Variants in PKP3 observed in about 807,000 individuals in gnomAD.
The protein encoded by PKP3 is plakophilin 3.
PKP3 carries 66 observed loss-of-function variants against 76.5 expected under a neutral mutation model. That is an observed-to-expected ratio of 0.86 (90% CI 0.71 to 1.06). The LOEUF (loss-of-function observed/expected upper bound fraction) is 1.06. Ranked by LOEUF, PKP3 falls within the 50% of genes least tolerant of loss-of-function variation. The pLI is 0.00. For missense variants in PKP3, 1,338 were observed against 1,141.0 expected, an observed-to-expected ratio of 1.17 and a Z score of -2.49; for synonymous variants, 638 against 516.5, an observed-to-expected ratio of 1.24 and a Z score of -3.19.
At position 403,967 on chromosome 11, in the gene PKP3, T is replaced by C. The variant is rs1180422634; in HGVS notation, c.2102T>C (p.Ile701Thr). The C allele has an allele frequency of 6.2e-7, 1 of 1,605,292 alleles. No homozygotes were observed. Among genetic ancestry groups the C allele is most frequent in the Non-Finnish European group, 8.5e-7 (1 of 1,175,030 alleles). ...EMSTKVVSHLIEKLPGSVGEK... is the reference protein window; with the variant it reads ...EMSTKVVSHLTEKLPGSVGEK... Reference sequence around the variant, plus strand: ...GCCACGAAGGTGGTGAGCCACCTGATCGAGAAGCTGCCGGGCAGCGTGGGT... The same window carrying C: ...GCCACGAAGGTGGTGAGCCACCTGACCGAGAAGCTGCCGGGCAGCGTGGGT... Residue 701 changes from isoleucine (I) to threonine (T), a missense_variant, in exon 11 of 13, where the codon ATC becomes ACC. Physicochemically the swap from Ile to Thr is moderately conservative, Grantham distance 89 (BLOSUM62 -1). Transcript: ENST00000331563.
chr11:403,625 G>C lies in PKP3; in HGVS notation c.1931G>C (p.Gly644Ala), dbSNP rs779775027. 6.9e-6 allele frequency: 11 copies of C among 1,605,290 alleles called. No homozygotes were observed. Among genetic ancestry groups the C allele is most frequent in the Non-Finnish European group, 1.7e-6 (2 of 1,179,724 alleles). Reference protein sequence around the residue: ...NITAGDRRWAGVLSRLALEQE... With the variant: ...NITAGDRRWAAVLSRLALEQE... ...CACCCTCCCTCCCCACAGTGGGCGGGGGTGCTGAGCCGCCTGGCCCTGGAG... is the reference window on the plus strand; with the variant it reads ...CACCCTCCCTCCCCACAGTGGGCGGCGGTGCTGAGCCGCCTGGCCCTGGAG... Residue 644 changes from glycine (G) to alanine (A), a missense_variant, in exon 10 of 13, where the codon GGG becomes GCG. Transcript: ENST00000331563.
intron 6 of PKP3, 37 bp from the exon 7 acceptor site, chr11:400,297 G>C (rs1420415940): frequency 4.7e-6 from 7 of 1,500,730 alleles, no homozygotes; most frequent in Non-Finnish European, 5.4e-6. Flanking sequence ...CCGGGATGCG[G>C]GGTCCCTGGG....
Position 404,659 on chromosome 11 carries a change from A to C in PKP3, c.*90A>C, listed in dbSNP as rs1341340983. ...TGCTTGGCAGCCCAGCCTGGAGGAG[A>C]AGGCTAATGACGGAGGGGCCCCTCG... On this transcript the variant is annotated 3_prime_UTR_variant, in exon 13 of 13. Coordinates refer to ENST00000331563, the MANE Select transcript of PKP3 (RefSeq NM_007183.4). The surrounding 1 kb of genome is among the most constrained non-coding windows in gnomAD (Gnocchi z 4.2). The C allele has an allele frequency of 6.7e-6, 9 of 1,336,750 alleles. No individual in the cohort carries two copies. Among genetic ancestry groups the C allele is most frequent in the Non-Finnish European group, 9.6e-6 (9 of 935,716 alleles). The allele number at this position is 1,336,750 out of a possible 1,614,324, so 82.8% of individuals were successfully genotyped here. A position where few individuals can be genotyped will look rare whatever the true frequency, so the allele number is the denominator to read the frequency against.
At chr11:399,921 G>A (rs777071789) in intron 5 of PKP3, 46 bp from the exon 6 acceptor site, 48 of 1,495,512 alleles carry the variant, frequency 3.2e-5, no homozygotes, top group Non-Finnish European at 4.2e-5. Flanking sequence ...GAAACGCGGA[G>A]GGGGTTGGAG....
chr11:399,103 GACA>G lies in PKP3; in HGVS notation c.1185_1187del (p.Asn395del). 1 of 1,612,044 alleles carries G rather than the reference GACA, an allele frequency of 6.2e-7. No homozygotes were observed. Among genetic ancestry groups the G allele is most frequent in the Non-Finnish European group, 8.5e-7 (1 of 1,179,486 alleles). On this transcript the variant is annotated inframe_deletion, in exon 5 of 13. Transcript: ENST00000331563. ...GCGCAACCTCATCTACGACAACGCT[GACA>G]ACAAGCTGGCCCTGGTGGAGGAGAA... is the stretch of plus-strand genomic sequence containing the variant.
In PKP3 at chr11:403,971, G is replaced by C. The variant is rs769373540; in HGVS notation, c.2106G>C (p.Glu702Asp). 1 of 1,606,398 alleles carries C rather than the reference G, an allele frequency of 6.2e-7. No homozygotes were observed. The highest frequency in any genetic ancestry group is 1.7e-5 in the Admixed American group (1 of 59,582). ...MSTKVVSHLI[E>D]KLPGSVGEKS... is the part of the protein sequence containing the mutation. ...CGAAGGTGGTGAGCCACCTGATCGA[G>C]AAGCTGCCGGGCAGCGTGGGTGAGA... The change falls in exon 11 of 13, where the codon GAG (glutamate) becomes GAC (aspartate). Residue 702 changes from glutamate to aspartate, a missense_variant. By Grantham distance (45) the Glu-to-Asp change is conservative (BLOSUM62 2). Transcript: ENST00000331563.
At chr11:397,487 G>C (rs775877170) in intron 3 of PKP3, 42 bp downstream of exon 3, 4 of 1,611,542 alleles carry the variant, frequency 2.5e-6, no homozygotes, top group African/African-American at 1.3e-5. Context: ...CTTCTACCAC[G>C]GGCCCAGCCT....
At position 397,060 on chromosome 11, in the gene PKP3, G is replaced by C; in HGVS notation, c.559G>C (p.Gly187Arg). Reference protein sequence around the residue: ...DTLSLRSLRLGPGGLDDRYSL... With the variant: ...DTLSLRSLRLRPGGLDDRYSL... ...ACTCTCCCTGCGCTCGCTGCGGCTG[G>C]GGCCCGGGGGCCTGGACGACCGCTA... The change falls in exon 3 of 13, where the codon GGG becomes CGG. Residue 187 changes from glycine (G) to arginine (R), a missense_variant. Gly to Arg is a moderately radical substitution (Grantham distance 125). Coordinates refer to ENST00000331563, the MANE Select transcript of PKP3 (RefSeq NM_007183.4). The C allele has an allele frequency of 6.3e-7, 1 of 1,599,008 alleles. No homozygotes were observed. Among genetic ancestry groups the C allele is most frequent in the Non-Finnish European group, 8.5e-7 (1 of 1,179,586 alleles).
Position 404,140 on chromosome 11 carries a change from G to C in PKP3, c.2270+5G>C, listed in dbSNP as rs746750503. ...CATCAAGAAGAAGCGGGACAGGTAG[G>C]GGCCGACCCAGCCGTGCAGCAGCCT... On this transcript the variant is annotated splice_donor_5th_base_variant and intron_variant, in intron 11 of 12. Transcript: ENST00000331563. This position sits in a 1 kb window ranked among gnomAD's most constrained non-coding sequence, Gnocchi z 4.2. 6.2e-6 allele frequency: 10 copies of C among 1,608,994 alleles called. No individual in the cohort carries two copies. In the East Asian group the frequency reaches 2.0e-4, roughly 32 times the overall value.
In PKP3 at chr11:399,969, A is replaced by T; in HGVS notation, c.1276A>T (p.Ile426Phe). 6.3e-7 allele frequency: 1 copy of T among 1,598,298 alleles called. No homozygotes were observed. The highest frequency in any genetic ancestry group is 1.3e-5 in the African/African-American group (1 of 74,734). ...TAGCAGCCTCCCCCGTCCTCCAGGG[A>T]TCCTGTGGAACCTTTCATCCAGCGA... Reference protein sequence around the residue: ...DDELRKNVTGILWNLSSSDHL... With the variant: ...DDELRKNVTGFLWNLSSSDHL... Residue 426 changes from isoleucine to phenylalanine, a missense_variant and splice_region_variant, in exon 6 of 13, where the codon ATC (isoleucine) becomes TTC (phenylalanine). Ile to Phe is a conservative substitution (Grantham distance 21, BLOSUM62 0). Transcript: ENST00000331563.
At position 396,914 on chromosome 11, in the gene PKP3, A is replaced by T. The variant is rs759892398; in HGVS notation, c.413A>T (p.Asn138Ile). The change falls in exon 3 of 13, where the codon AAC (asparagine) becomes ATC (isoleucine). Residue 138 changes from asparagine (N) to isoleucine (I), a missense_variant. Coordinates refer to ENST00000331563, the MANE Select transcript of PKP3 (RefSeq NM_007183.4). The stretch of plus-strand genomic sequence containing the variant: ...AGTCGGAGGCTGAGTTCAGCCCACA[A>T]CGGGGGCAGCGCCTTTGGGGCCGCT... ...SCSRRLSSAH[N>I]GGSAFGAAGY... 3 of 1,597,298 alleles carry T rather than the reference A, an allele frequency of 1.9e-6. No homozygotes were observed. The highest frequency in any genetic ancestry group is 4.5e-5 in the East Asian group (2 of 44,518).
At position 396,800 on chromosome 11, in the gene PKP3, C is replaced by G. The variant is rs780911555; in HGVS notation, c.313-14C>G. The G allele has an allele frequency of 2.5e-6, 4 of 1,572,354 alleles. No individual in the cohort carries two copies. In the South Asian group the frequency reaches 4.7e-5, roughly 18 times the overall value. ...AGCCCAGGCACGCCCTCACCGCCCC[C>G]TCTCGACCCACAGGGCTTCCGGCCC... On this transcript the variant is annotated splice_polypyrimidine_tract_variant and intron_variant, in intron 2 of 12. Transcript: ENST00000331563.
In PKP3 at chr11:394,467, C is replaced by A. The variant is rs1847018241; in HGVS notation, c.175C>A (p.Gln59Lys). The change falls in exon 1 of 13, where the codon CAG becomes AAG. Residue 59 changes from glutamine (Q) to lysine (K), a missense_variant. Transcript: ENST00000331563. ...CCGCGCCCGCCTCTTGCAGCTGGGA[C>A]AGCAGCCGCGGCACAACGGGGCCGC... ...QVRARLLQLG[Q>K]QPRHNGAAEP... 1.4e-5 allele frequency: 20 copies of A among 1,440,058 alleles called. No individual in the cohort carries two copies. Among genetic ancestry groups the A allele is most frequent in the Non-Finnish European group, 1.7e-5 (19 of 1,103,428 alleles). 89.2% of individuals were successfully genotyped at this position (1,440,058 alleles called of 1,614,324 possible). A position where few individuals can be genotyped will look rare whatever the true frequency, so the allele number is the denominator to read the frequency against.
Position 404,097 on chromosome 11 carries a change from A to G in PKP3, c.2232A>G (p.Gly744=), listed in dbSNP as rs148466648. The G allele has an allele frequency of 1.1e-4, 184 of 1,611,526 alleles. No homozygotes were observed. In the African/African-American group the frequency reaches 2.2e-3, roughly 19 times the overall value. ...CCCGAGACCTGCTGTATTTTGACGG[A>G]CTCCGAAAGCTCATCTTCATCAAGA... ...IAARDLLYFD[G]LRKLIFIKKK... Residue 744 remains glycine, a synonymous_variant, in exon 11 of 13, where the codon GGA becomes GGG. Transcript: ENST00000331563. The surrounding 1 kb of genome is among the most constrained non-coding windows in gnomAD (Gnocchi z 4.2).
At position 404,470 on chromosome 11, in the gene PKP3, G is replaced by A; in HGVS notation, c.2359-64G>A. 6.4e-7 allele frequency: 1 copy of A among 1,563,754 alleles called. No homozygotes were observed. The highest frequency in any genetic ancestry group is 8.8e-7 in the Non-Finnish European group (1 of 1,135,220). On this transcript the variant is annotated intron_variant, in intron 12 of 12. Transcript: ENST00000331563. The surrounding 1 kb of genome is among the most constrained non-coding windows in gnomAD (Gnocchi z 4.2). Reference sequence around the variant, plus strand: ...GCCACACCCAGCACACTGCAGGAGGGACAGCGGGCAGAGGGCCACATGGGC... The same window carrying A: ...GCCACACCCAGCACACTGCAGGAGGAACAGCGGGCAGAGGGCCACATGGGC...
chr11:399,623 C>T (rs952241313), intron 5 of PKP3, among the ~76,000 whole-genome samples: 50 of 140,126 alleles, frequency 3.6e-4, no homozygotes, highest in Non-Finnish European at 5.1e-4. Context: ...CATTCGGTTC[C>T]CCTCCGTCCC....
In PKP3 at chr11:404,223, C is replaced by T. The variant is rs761112092; in HGVS notation, c.2271-13C>T. On this transcript the variant is annotated splice_polypyrimidine_tract_variant and intron_variant, in intron 11 of 12. Transcript: ENST00000331563. The surrounding 1 kb of genome is among the most constrained non-coding windows in gnomAD (Gnocchi z 4.2). ...TGGCTGTGTGTCCCCTCCTGACTGC[C>T]CTCCACCCTCAGCCCCGACAGTGAG... 14 of 1,611,612 alleles carry T rather than the reference C, an allele frequency of 8.7e-6. No individual in the cohort carries two copies. Among genetic ancestry groups the T allele is most frequent in the Admixed American group, 3.3e-5 (2 of 59,968 alleles).
At chr11:396,393 T>G (rs1590352283) in intron 1 of PKP3, 17 of 487,414 alleles carry the variant, frequency 3.5e-5, no homozygotes, top group Non-Finnish European at 4.7e-5. Context: ...AGCTGGGGGG[T>G]GGGCTGTGGA....
chr11:393,563 G>C (rs1293212253), upstream of PKP3: 1 of 152,240 alleles, frequency 6.6e-6, no homozygotes, highest in Admixed American at 6.6e-5. Flanking sequence ...AGGCTTCGGG[G>C]GAGGGCCGGT....
Sources: allele counts gnomAD v4.1 joint callset (sites outside exome capture counted in the v4.1 genomes callset), GRCh38; gene constraint gnomAD v4.1.1; non-coding constraint Gnocchi (gnomAD v3.1); transcripts MANE v1.5; gene names NCBI Gene and HGNC (gene_info 2026-07-23, HGNC 2026-07-21).